MGAT5B: variants seen among roughly 807,000 people sequenced by gnomAD.
MGAT5B encodes N-acetylglucosaminyl-transferase Vb.
MGAT5B carries 54 observed loss-of-function variants against 95.1 expected under a neutral mutation model. The ratio of observed to expected loss-of-function variants is 0.57; its 90% CI spans 0.46 to 0.71. The LOEUF is 0.71. MGAT5B is among the 30% of genes least tolerant of loss of function. The probability of loss-of-function intolerance (pLI) is 0.00; values close to 1 mark genes in which losing one functional copy is unlikely to be tolerated. For synonymous variants in MGAT5B, 464 were observed against 451.0 expected, an observed-to-expected ratio of 1.03 and a Z score of -0.36; for missense variants, 935 against 1,088.6, an observed-to-expected ratio of 0.86 and a Z score of 1.99.
At position 76,922,381 on chromosome 17, in the gene MGAT5B, C is replaced by T. The variant is rs1969147822; in HGVS notation, c.1026-2585C>T. 2.0e-5 allele frequency among the ~76,000 whole-genome samples: 3 copies of T among 152,172 alleles called. No homozygotes were observed. The South Asian group carries it at 6.2e-4, about 32-fold the overall frequency. On this transcript the variant is annotated intron_variant, in intron 8 of 17. Transcript: ENST00000569840. ...TTTGTGTCCTTTTGTGTGTGGTTCT[C>T]AGTTGGGTTGGGGAGGTGAGGAAGA... is the stretch of plus-strand genomic sequence containing the variant.
intron 8 of MGAT5B, among the ~76,000 whole-genome samples, chr17:76,907,769 AAG>A (rs1304815323): frequency 6.6e-6 from 1 of 152,216 alleles, no homozygotes; most frequent in African/African-American, 2.4e-5. Flanking sequence ...TCAGCTTTAC[AAG>A]ATAATGCCGA....
At position 76,940,292 on chromosome 17, in the gene MGAT5B, A is replaced by G; in HGVS notation, c.1585-110A>G. 7.5e-7 allele frequency: 1 copy of G among 1,340,412 alleles called. No individual in the cohort carries two copies. The allele number at this position is 1,340,412 out of a possible 1,614,324, so 83.0% of individuals were successfully genotyped here. A position where few individuals can be genotyped will look rare whatever the true frequency, so the allele number is the denominator to read the frequency against. On this transcript the variant is annotated intron_variant, in intron 13 of 17. Coordinates refer to ENST00000569840, the MANE Select transcript of MGAT5B (RefSeq NM_001199172.2). This position sits in a 1 kb window ranked among gnomAD's most constrained non-coding sequence, Gnocchi z 4.3. ...GAGCAAAAATAATCGCTCCAGGCCC[A>G]GCTGCCTCCTGTGAATATCCCGAAG...
chr17:76,884,660 G>A (rs1310101539), intron 3 of MGAT5B, among the ~76,000 whole-genome samples: 1 of 149,662 alleles, frequency 6.7e-6, no homozygotes, highest in Non-Finnish European at 1.5e-5. Context: ...CTGGAGTGCA[G>A]TGGCATGATC....
chr17:76,935,105 A>G (rs1344395906), intron 12 of MGAT5B, among the ~76,000 whole-genome samples: 3 of 152,172 alleles, frequency 2.0e-5, no homozygotes, highest in Non-Finnish European at 4.4e-5. Context: ...GTGTAGTCCC[A>G]GGAAGCGAGG....
intron 3 of MGAT5B, among the ~76,000 whole-genome samples, chr17:76,890,995 C>T (rs1233344843): frequency 2.1e-5 from 3 of 141,508 alleles, no homozygotes; most frequent in Non-Finnish European, 3.1e-5. Flanking sequence ...GACTGATTCT[C>T]CCACCGTCAC....
In MGAT5B at chr17:76,930,673, G is replaced by A. The variant is rs773022012; in HGVS notation, c.1292-1972G>A. 1.3e-5 allele frequency among the ~76,000 whole-genome samples: 2 copies of A among 152,202 alleles called. No homozygotes were observed. The highest frequency in any genetic ancestry group is 2.9e-5 in the Non-Finnish European group (2 of 68,040). On this transcript the variant is annotated intron_variant, in intron 10 of 17. Coordinates refer to ENST00000569840, the MANE Select transcript of MGAT5B (RefSeq NM_001199172.2). This position sits in a 1 kb window ranked among gnomAD's most constrained non-coding sequence, Gnocchi z 4.1. ...CCACACACGGCCATGGAATTGGAGC[G>A]TGAGATCAAACATGTTCCCTGGCCT...
chr17:76,876,974 A>G (rs912349607), intron 2 of MGAT5B, among the ~76,000 whole-genome samples: 1 of 152,010 alleles, frequency 6.6e-6, no homozygotes, highest in South Asian at 2.1e-4. Flanking sequence ...CTCCTTCCCC[A>G]TGTGGCTGCA....
rs1598999719 is a variant in MGAT5B at position 76,939,296 on chromosome 17, G to A, written c.1585-1106G>A. On this transcript the variant is annotated intron_variant, in intron 13 of 17. Transcript: ENST00000569840. ...GGGCGGATCACGAGGTTAGGATATC[G>A]AGACCATCCTGGCCAACATGGTGAA... Among the ~76,000 whole-genome samples, 2 of 151,864 alleles carry A rather than the reference G, an allele frequency of 1.3e-5. 1 individual carries two copies. The highest frequency in any genetic ancestry group is 2.9e-5 in the Non-Finnish European group (2 of 67,970).
chr17:76,947,253 G>A (rs1244929149), intron 16 of MGAT5B, among the ~76,000 whole-genome samples: 1 of 152,212 alleles, frequency 6.6e-6, no homozygotes. Flanking sequence ...AATATTAGGG[G>A]CTGAGAGAGT....
At chr17:76,924,493 C>T (rs1453796322) in intron 8 of MGAT5B, 5 of 155,848 alleles carry the variant, frequency 3.2e-5, no homozygotes, top group East Asian at 1.8e-4. Flanking sequence ...CAGCAGCTCG[C>T]GGCCTCAGCC....
chr17:76,931,658 T>C (rs1286066798), intron 10 of MGAT5B, among the ~76,000 whole-genome samples: 2 of 152,056 alleles, frequency 1.3e-5, no homozygotes, highest in Non-Finnish European at 2.9e-5. Context: ...TATGGGGTTT[T>C]GTGCGGAGGA....
chr17:76,937,953 CA>C, intron 12 of MGAT5B, 34 bp from the exon 13 acceptor site: 1 of 1,607,138 alleles, frequency 6.2e-7, no homozygotes, highest in Non-Finnish European at 8.5e-7. Context: ...CTGTGGTTTG[CA>C]TGTGGTTCCC....
chr17:76,904,675 A>G (rs1968455291), intron 6 of MGAT5B, among the ~76,000 whole-genome samples: 1 of 152,238 alleles, frequency 6.6e-6, no homozygotes, highest in Non-Finnish European at 1.5e-5. Flanking sequence ...TTAGTGGACT[A>G]GAATAGTAGT....
chr17:76,890,725 A>G (rs916576214), intron 3 of MGAT5B, among the ~76,000 whole-genome samples: 1 of 151,212 alleles, frequency 6.6e-6, no homozygotes, highest in African/African-American at 2.4e-5. Flanking sequence ...CTGGTCTTGA[A>G]CTCCTGAGCT....
At position 76,914,731 on chromosome 17, in the gene MGAT5B, G is replaced by A. The variant is rs577497684; in HGVS notation, c.1025+8544G>A. Among the ~76,000 whole-genome samples, 20 of 151,800 alleles carry A rather than the reference G, an allele frequency of 1.3e-4. No individual in the cohort carries two copies. The highest frequency in any genetic ancestry group is 2.4e-4 in the Non-Finnish European group (16 of 67,982). ...TCGGCTCACTGCATCCTCCACCTCC[G>A]GGTTCAAGTGATTCTCCTGCCTCAG... is the stretch of plus-strand genomic sequence containing the variant. On this transcript the variant is annotated intron_variant, in intron 8 of 17. Transcript: ENST00000569840. This position sits in a 1 kb window ranked among gnomAD's most constrained non-coding sequence, Gnocchi z 5.1.
At chr17:76,877,281 C>T (rs623531) in intron 2 of MGAT5B, among the ~76,000 whole-genome samples, 5 of 148,224 alleles carry the variant, frequency 3.4e-5, no homozygotes, top group South Asian at 2.1e-4. Flanking sequence ...ACTGAGATTG[C>T]GCCACTGCAC....
At chr17:76,936,839 T>C (rs1969690016) in intron 12 of MGAT5B, among the ~76,000 whole-genome samples, 1 of 152,242 alleles carries the variant, frequency 6.6e-6, no homozygotes, top group South Asian at 2.1e-4. Context: ...TCTGGATTAC[T>C]GTAGCTTTAT....
intron 15 of MGAT5B, among the ~76,000 whole-genome samples, chr17:76,944,655 G>T (rs558789798): frequency 6.6e-6 from 1 of 152,180 alleles, no homozygotes; most frequent in African/African-American, 2.4e-5. Context: ...TTGCCCCAGC[G>T]TTGAGAATAC....
intron 3 of MGAT5B, among the ~76,000 whole-genome samples, chr17:76,894,818 A>C (rs147405248): frequency 7.8e-4 from 117 of 150,886 alleles, no homozygotes; most frequent in African/African-American, 2.7e-3. Flanking sequence ...GCACCAGTGC[A>C]CTCCAGCCTG....
Sources: allele counts gnomAD v4.1 joint callset (sites outside exome capture counted in the v4.1 genomes callset), GRCh38; gene constraint gnomAD v4.1.1; non-coding constraint Gnocchi (gnomAD v3.1); transcripts MANE v1.5; gene names NCBI Gene and HGNC (gene_info 2026-07-23, HGNC 2026-07-21).